Variants in KCND3 observed in about 807,000 individuals in gnomAD.
KCND3 encodes A-type voltage-gated potassium channel KCND3.
A neutral mutation model predicts 51.1 loss-of-function variants in KCND3; 9 were observed. The ratio of observed to expected loss-of-function variants is 0.18; its 90% CI spans 0.11 to 0.31. KCND3 has a LOEUF of 0.31. Among genes scored for constraint, KCND3 ranks in the 10% least tolerant of loss-of-function variants. The pLI, the probability that KCND3 is intolerant of heterozygous loss-of-function variation, is 1.00. For missense variants in KCND3, 526 were observed against 903.8 expected (o/e 0.58, Z 5.36); for synonymous variants, 349 against 368.0 (o/e 0.95, Z 0.59).
chr1:111,877,935 A>G (rs1004490425), intron 2 of KCND3, among the ~76,000 whole-genome samples: 2 of 152,238 alleles, frequency 1.3e-5, no homozygotes, highest in African/African-American at 2.4e-5. Context: ...CCGGGGCCCT[A>G]CTATGTGCAA....
At chr1:111,854,365 T>C (rs1667958853) in intron 2 of KCND3, among the ~76,000 whole-genome samples, 1 of 152,258 alleles carries the variant, frequency 6.6e-6, no homozygotes, top group Non-Finnish European at 1.5e-5. Context: ...CTGGAGGATG[T>C]ATTTTCAAGG....
At chr1:111,812,371 C>T (rs1374616025) in intron 2 of KCND3, among the ~76,000 whole-genome samples, 1 of 152,206 alleles carries the variant, frequency 6.6e-6, no homozygotes, top group Non-Finnish European at 1.5e-5. Context: ...GCACCCAATG[C>T]TACCAAACAT....
rs895254433 is a variant in KCND3 at position 111,776,189 on chromosome 1, G to A, written c.1856C>T (p.Thr619Ile). 12 of 1,614,252 alleles carry A rather than the reference G, an allele frequency of 7.4e-6. No homozygotes were observed. Among genetic ancestry groups the A allele is most frequent in the Non-Finnish European group, 1.0e-5 (12 of 1,180,038 alleles). The change falls in exon 8 of 8, where the codon ACT (threonine) becomes ATT (isoleucine). Residue 619 changes from threonine to isoleucine, a missense_variant. Coordinates refer to ENST00000302127, the MANE Select transcript of KCND3 (RefSeq NM_001378969.1). ...CCCCTCTGGGGTTAGCGCTGGGGGA[G>A]TGGGGATGCTGATGATGGCTGTGGT... ...QITTAIISIP[T>I]PPALTPEGES...
At chr1:111,810,191 G>A (rs1233202782) in intron 2 of KCND3, among the ~76,000 whole-genome samples, 1 of 152,018 alleles carries the variant, frequency 6.6e-6, no homozygotes, top group Admixed American at 6.5e-5. Flanking sequence ...CTGGGTGAGC[G>A]ACTGTGGCTC....
chr1:111,831,954 A>AG (rs1301236309), intron 2 of KCND3, among the ~76,000 whole-genome samples: 1 of 152,218 alleles, frequency 6.6e-6, no homozygotes, highest in Non-Finnish European at 1.5e-5. Flanking sequence ...TCATATCTCC[A>AG]GAACAATGGG....
At chr1:111,777,370 C>T in intron 6 of KCND3, 97 bp from the exon 7 acceptor site, 1 of 1,384,404 alleles carries the variant, frequency 7.2e-7, no homozygotes, top group South Asian at 1.2e-5. Context: ...TGTTCTGGAC[C>T]TTGAAGGAAG....
intron 2 of KCND3, among the ~76,000 whole-genome samples, chr1:111,803,479 T>G (rs1455408388): frequency 6.6e-6 from 1 of 152,136 alleles, no homozygotes; most frequent in Non-Finnish European, 1.5e-5. Flanking sequence ...TGGTTGTGTG[T>G]GTGTTTGTGT....
chr1:111,778,397 A>G (rs1449091275), intron 6 of KCND3, 39 bp downstream of exon 6: 15 of 1,569,726 alleles, frequency 9.6e-6, no homozygotes, highest in Middle Eastern at 1.7e-4. Context: ...CAGAATTATC[A>G]GAGAGAAAAA....
intron 2 of KCND3, among the ~76,000 whole-genome samples, chr1:111,862,316 C>G (rs1037411117): frequency 6.6e-6 from 1 of 152,268 alleles, no homozygotes; most frequent in Admixed American, 6.5e-5. Flanking sequence ...AGGGCAACAA[C>G]AGACAATTCA....
intron 2 of KCND3, among the ~76,000 whole-genome samples, chr1:111,832,970 G>A (rs1279745486): frequency 2.0e-5 from 3 of 152,220 alleles, no homozygotes; most frequent in Non-Finnish European, 4.4e-5. Flanking sequence ...GGGGCAGGTG[G>A]GAAGCAAGAG....
At chr1:111,835,633 CA>C (rs1435418295) in intron 2 of KCND3, among the ~76,000 whole-genome samples, 1 of 152,204 alleles carries the variant, frequency 6.6e-6, no homozygotes, top group African/African-American at 2.4e-5. Context: ...ACACTCCCAC[CA>C]ATGCCATGAC....
At chr1:111,942,356 A>G (rs1283625985) in intron 2 of KCND3, among the ~76,000 whole-genome samples, 1 of 152,136 alleles carries the variant, frequency 6.6e-6, no homozygotes, top group Non-Finnish European at 1.5e-5. Flanking sequence ...AAATAGGAAA[A>G]ACATCTAGTA....
At chr1:111,867,249 T>C (rs978489999) in intron 2 of KCND3, among the ~76,000 whole-genome samples, 1 of 152,172 alleles carries the variant, frequency 6.6e-6, no homozygotes, top group African/African-American at 2.4e-5. Flanking sequence ...CCCAGTGAGT[T>C]GAGGCCTATT....
intron 2 of KCND3, among the ~76,000 whole-genome samples, chr1:111,822,232 A>G (rs1207878714): frequency 1.3e-5 from 2 of 152,220 alleles, no homozygotes; most frequent in Admixed American, 6.5e-5. Flanking sequence ...TAAGATATAT[A>G]TAACATAAAA....
intron 2 of KCND3, 117 bp from the exon 3 acceptor site, chr1:111,787,223 G>A (rs1171383478): frequency 9.3e-6 from 10 of 1,075,846 alleles, no homozygotes; most frequent in Non-Finnish European, 2.8e-6. Context: ...ATTGCTTAGA[G>A]TATCTACTAT....
rs1674022018 is a variant in KCND3, at chr1:111,966,921, A to G, written c.1106+14700T>C. Among the ~76,000 whole-genome samples the G allele has an allele frequency of 2.6e-5, 4 of 152,154 alleles. No homozygotes were observed. In the South Asian group the frequency reaches 8.3e-4, roughly 32 times the overall value. ...TTTGGGAGGCCAAGGTGGGCGGAAC[A>G]CCTGAGATCAGGAGTTTGAGACCAG... is the stretch of plus-strand genomic sequence containing the variant. On this transcript the variant is annotated intron_variant, in intron 2 of 7. Transcript: ENST00000302127.
intron 2 of KCND3, among the ~76,000 whole-genome samples, chr1:111,948,703 G>A (rs1028590001): frequency 6.6e-6 from 1 of 152,044 alleles, no homozygotes; most frequent in African/African-American, 2.4e-5. Flanking sequence ...TGGGGAGCTG[G>A]CCCAGTCTAG....
At chr1:111,888,333 G>A (rs948865531) in intron 2 of KCND3, among the ~76,000 whole-genome samples, 3 of 152,232 alleles carry the variant, frequency 2.0e-5, no homozygotes, top group Admixed American at 6.5e-5. Context: ...AAAGGAGGAT[G>A]AGGGCAAAGA....
At chr1:111,917,470 A>G (rs1396906947) in intron 2 of KCND3, among the ~76,000 whole-genome samples, 1 of 152,186 alleles carries the variant, frequency 6.6e-6, no homozygotes, top group Non-Finnish European at 1.5e-5. Context: ...AATTCAAATG[A>G]TTACAGAACG....
Sources: allele counts gnomAD v4.1 joint callset (sites outside exome capture counted in the v4.1 genomes callset), GRCh38; gene constraint gnomAD v4.1.1; transcripts MANE v1.5; gene names NCBI Gene and HGNC (gene_info 2026-07-23, HGNC 2026-07-21).